Variants in TENM2 observed in about 807,000 individuals in gnomAD.
TENM2 encodes teneurin transmembrane protein 2.
In TENM2, 52 loss-of-function variants were observed where a neutral mutation model predicts 245.2. That is an observed-to-expected ratio of 0.21 (90% CI 0.17 to 0.27). The LOEUF is 0.27. Among genes scored for constraint, TENM2 ranks in the 10% least tolerant of loss-of-function variants. TENM2 has a pLI of 1.00. For missense variants in TENM2, 3,046 were observed against 3,666.8 expected (o/e 0.83, Z 4.37); for synonymous variants, 1,363 against 1,438.9 (o/e 0.95, Z 1.19).
the TENM2 span, among the ~76,000 whole-genome samples, chr5:167,073,345 TCCA>T: frequency 6.6e-6 from 1 of 152,200 alleles, no homozygotes; most frequent in African/African-American, 2.4e-5. Context: ...ACATCGAAGA[TCCA>T]CCCTTTTGGT....
At chr5:167,685,589 C>T (rs1757021414) in intron 2 of TENM2, among the ~76,000 whole-genome samples, 1 of 152,162 alleles carries the variant, frequency 6.6e-6, no homozygotes, top group Admixed American at 6.5e-5. Flanking sequence ...ATGTTTACTC[C>T]TGTCTTGCAC....
intron 2 of TENM2, among the ~76,000 whole-genome samples, chr5:167,445,337 A>ATATATATAGGGG (rs1491215308): frequency 1.3e-5 from 1 of 76,638 alleles, no homozygotes; most frequent in African/African-American, 5.2e-5. Context: ...ATATATATAT[A>ATATATATAGGGG]GAGAGAGAGA....
At chr5:168,166,968 G>A (rs868493457) in intron 13 of TENM2, among the ~76,000 whole-genome samples, 6 of 152,000 alleles carry the variant, frequency 3.9e-5, no homozygotes, top group Non-Finnish European at 7.4e-5. Context: ...ACCTCAGGAA[G>A]CAATGGCTGA....
intron 2 of TENM2, among the ~76,000 whole-genome samples, chr5:167,645,230 A>G (rs1779852442): frequency 6.6e-6 from 1 of 152,218 alleles, no homozygotes; most frequent in African/African-American, 2.4e-5. Flanking sequence ...AGTACATTCT[A>G]ACATCAGGTG....
chr5:168,160,034 T>C (rs554062565), intron 12 of TENM2, among the ~76,000 whole-genome samples: 18 of 152,316 alleles, frequency 1.2e-4, no homozygotes, highest in African/African-American at 4.3e-4. Context: ...ACATGAGACC[T>C]CAAAGTAGCT....
chr5:167,792,545 G>A (rs1384788622), intron 2 of TENM2, among the ~76,000 whole-genome samples: 1 of 151,978 alleles, frequency 6.6e-6, no homozygotes, highest in Admixed American at 6.6e-5. Context: ...AAGACAACGT[G>A]TTCTGTCCAC....
the TENM2 span, among the ~76,000 whole-genome samples, chr5:167,107,271 A>G: frequency 6.6e-6 from 1 of 151,526 alleles, no homozygotes; most frequent in Non-Finnish European, 1.5e-5. Flanking sequence ...AAAGAAAGAA[A>G]GAAGGAAGGA....
chr5:168,040,653 G>A (rs1427398899), intron 5 of TENM2, among the ~76,000 whole-genome samples: 6 of 152,160 alleles, frequency 3.9e-5, no homozygotes, highest in Non-Finnish European at 8.8e-5. Flanking sequence ...AAGACTTAAG[G>A]CATTTCCAAG....
At chr5:168,227,287 C>G (rs1434788758) in intron 24 of TENM2, among the ~76,000 whole-genome samples, 3 of 152,220 alleles carry the variant, frequency 2.0e-5, no homozygotes, top group Non-Finnish European at 4.4e-5. Flanking sequence ...CACCCACTGA[C>G]TCCAGCTCCC....
At chr5:167,853,565 T>C (rs1770805835) in intron 2 of TENM2, among the ~76,000 whole-genome samples, 1 of 152,166 alleles carries the variant, frequency 6.6e-6, no homozygotes, top group Admixed American at 6.5e-5. Context: ...TTTCTGGCGA[T>C]GTTTCCTTTG....
At chr5:167,728,609 AAATAAATGAATGAATG>A (rs1760200022) in intron 2 of TENM2, 3 of 144,012 alleles carry the variant, frequency 2.1e-5, no homozygotes, top group Admixed American at 6.9e-5. Flanking sequence ...CAAAATAAAT[AAATAAATGAATGAATG>A]AATGAATGAA....
At chr5:167,472,113 A>G (rs1450061876) in intron 2 of TENM2, among the ~76,000 whole-genome samples, 1 of 152,180 alleles carries the variant, frequency 6.6e-6, no homozygotes, top group Non-Finnish European at 1.5e-5. Flanking sequence ...TTTAACTTCC[A>G]GAACAGACAC....
chr5:168,251,373 C>G (rs1212609409), intron 27 of TENM2, among the ~76,000 whole-genome samples: 1 of 152,158 alleles, frequency 6.6e-6, no homozygotes, highest in Non-Finnish European at 1.5e-5. Context: ...CATGGAGACT[C>G]AATAAATGGG....
chr5:168,207,648 G>C (rs546247562), intron 19 of TENM2, among the ~76,000 whole-genome samples: 3 of 152,304 alleles, frequency 2.0e-5, no homozygotes, highest in South Asian at 2.1e-4. Flanking sequence ...GAGGGAGGGA[G>C]GGGGAGGAAG....
chr5:167,589,873 T>C (rs547356180), intron 2 of TENM2, among the ~76,000 whole-genome samples: 166 of 148,816 alleles, frequency 1.1e-3, no homozygotes, highest in Non-Finnish European at 2.0e-3. Flanking sequence ...TATAAAACTA[T>C]AATAATATAT....
chr5:167,628,910 C>T (rs1314708665), intron 2 of TENM2, among the ~76,000 whole-genome samples: 2 of 152,058 alleles, frequency 1.3e-5, no homozygotes, highest in Admixed American at 6.6e-5. Context: ...CATTGTTTTC[C>T]GAATACATTG....
intron 2 of TENM2, among the ~76,000 whole-genome samples, chr5:167,747,357 G>A (rs1292090699): frequency 6.6e-6 from 1 of 152,034 alleles, no homozygotes; most frequent in Non-Finnish European, 1.5e-5. Context: ...CATAAAGATT[G>A]GCAATTTCTC....
At chr5:167,315,545 A>T (rs1390453282) in intron 1 of TENM2, among the ~76,000 whole-genome samples, 1 of 152,206 alleles carries the variant, frequency 6.6e-6, no homozygotes, top group African/African-American at 2.4e-5. Flanking sequence ...TGGAATGAAT[A>T]AATGAAATAA....
intron 7 of TENM2, among the ~76,000 whole-genome samples, chr5:168,071,342 A>AT (rs1790999322): frequency 1.3e-5 from 2 of 152,190 alleles, no homozygotes; most frequent in Non-Finnish European, 2.9e-5. Flanking sequence ...ACAGATTTCA[A>AT]TTTTTTTAAA....
Sources: allele counts gnomAD v4.1 joint callset (sites outside exome capture counted in the v4.1 genomes callset), GRCh38; gene constraint gnomAD v4.1.1; transcripts MANE v1.5; gene names NCBI Gene and HGNC (gene_info 2026-07-23, HGNC 2026-07-21).